Variants in FAM228B observed in about 807,000 individuals in gnomAD.
FAM228B encodes the protein protein FAM228B.
In FAM228B, 38 loss-of-function variants were observed where a neutral mutation model predicts 42.6. The observed-to-expected ratio is 0.89, with a 90% CI of 0.69 to 1.17. The LOEUF is 1.17. Ranked by LOEUF, FAM228B falls within the 50% of genes most tolerant of loss-of-function variation. FAM228B has a pLI of 0.00. For synonymous variants in FAM228B, 109 were observed against 122.3 expected (o/e 0.89, Z 0.72); for missense variants, 344 against 367.3 (o/e 0.94, Z 0.52).
At chr2:24,114,896 G>A (rs1165562539) in intron 3 of FAM228B, among the ~76,000 whole-genome samples, 1 of 152,180 alleles carries the variant, frequency 6.6e-6, no homozygotes, top group Non-Finnish European at 1.5e-5. Flanking sequence ...GAGAGTTAGG[G>A]TTAGAGTCAG....
At chr2:24,157,244 T>G (rs201447612) in intron 7 of FAM228B, among the ~76,000 whole-genome samples, 1 of 152,192 alleles carries the variant, frequency 6.6e-6, no homozygotes, top group Non-Finnish European at 1.5e-5. Context: ...TGTGGCCTAT[T>G]ATATGGTCTA....
chr2:24,108,926 A>G (rs1665744127), intron 3 of FAM228B, among the ~76,000 whole-genome samples: 1 of 151,620 alleles, frequency 6.6e-6, no homozygotes, highest in Non-Finnish European at 1.5e-5. Flanking sequence ...AGAAAAAGCT[A>G]TTTTGAAATT....
intron 7 of FAM228B, among the ~76,000 whole-genome samples, chr2:24,149,884 G>A (rs553050468): frequency 3.3e-5 from 5 of 151,926 alleles, no homozygotes; most frequent in South Asian, 4.2e-4. Context: ...TTTGATTTGC[G>A]GTTACCATGA....
chr2:24,099,069 A>G (rs1336584427), intron 3 of FAM228B, among the ~76,000 whole-genome samples: 1 of 152,256 alleles, frequency 6.6e-6, no homozygotes, highest in Non-Finnish European at 1.5e-5. Flanking sequence ...AAGGCCTTCA[A>G]CAAAATTCAA....
intron 3 of FAM228B, among the ~76,000 whole-genome samples, chr2:24,101,424 TG>T (rs1481361618): frequency 2.6e-5 from 4 of 152,230 alleles, no homozygotes; most frequent in Non-Finnish European, 5.9e-5. Context: ...AATTATTTTC[TG>T]TGACCACAGG....
chr2:24,130,080 T>G (rs1666419915), intron 2 of FAM228B, among the ~76,000 whole-genome samples: 1 of 152,236 alleles, frequency 6.6e-6, no homozygotes, highest in African/African-American at 2.4e-5. Context: ...TTCTGGTTCC[T>G]GTGTTAGTTT....
chr2:24,129,197 C>T (rs191368429), intron 2 of FAM228B, among the ~76,000 whole-genome samples: 121 of 152,272 alleles, frequency 7.9e-4, no homozygotes, highest in African/African-American at 2.8e-3. Context: ...CATCCCCACT[C>T]CTCAATTCAG....
chr2:24,120,283 C>CAACAACAAAACAA (rs1558378508), upstream of FAM228B, among the ~76,000 whole-genome samples: 1 of 150,848 alleles, frequency 6.6e-6, no homozygotes, highest in Non-Finnish European at 1.5e-5. Context: ...AAAAAAACAA[C>CAACAACAAAACAA]AACAAAACAA....
intron 3 of FAM228B, among the ~76,000 whole-genome samples, chr2:24,106,755 C>A (rs1165164562): frequency 2.0e-5 from 3 of 151,784 alleles, no homozygotes; most frequent in African/African-American, 7.3e-5. Flanking sequence ...TCCACCAGAT[C>A]TGCCTTATGA....
chr2:24,148,725 A>T (rs1053652444), intron 7 of FAM228B, among the ~76,000 whole-genome samples: 2 of 152,192 alleles, frequency 1.3e-5, no homozygotes, highest in Non-Finnish European at 2.9e-5. Context: ...TGTTACAAAG[A>T]ATCTAATTAT....
intron 2 of FAM228B, chr2:24,082,795 A>C: frequency 4.1e-6 from 6 of 1,459,256 alleles, no homozygotes; most frequent in Non-Finnish European, 5.4e-6. Context: ...AAGGCCTGGG[A>C]GTGCCCTGGG....
intron 1 of FAM228B, among the ~76,000 whole-genome samples, chr2:24,079,925 AC>A (rs968433862): frequency 3.3e-5 from 5 of 152,348 alleles, no homozygotes; most frequent in African/African-American, 1.2e-4. Context: ...TCCCACTGAC[AC>A]CCAGGCACGA....
At chr2:24,139,075 T>A (rs376712147) in intron 4 of FAM228B, among the ~76,000 whole-genome samples, 6 of 152,252 alleles carry the variant, frequency 3.9e-5, no homozygotes, top group South Asian at 4.1e-4. Flanking sequence ...AGCATTTTTT[T>A]AAAATCTGAG....
upstream of FAM228B, chr2:24,122,727 G>T: frequency 2.1e-6 from 1 of 478,588 alleles, no homozygotes; most frequent in Admixed American, 3.7e-5. Flanking sequence ...GAGGAAAACA[G>T]AATCATAGAA....
chr2:24,150,235 C>A (rs758859893), intron 7 of FAM228B, among the ~76,000 whole-genome samples: 3 of 152,120 alleles, frequency 2.0e-5, no homozygotes, highest in Non-Finnish European at 4.4e-5. Context: ...ATTAACATCC[C>A]TTTCTTTCAG....
At chr2:24,162,673 A>C (rs1667311952) in intron 8 of FAM228B, among the ~76,000 whole-genome samples, 1 of 152,238 alleles carries the variant, frequency 6.6e-6, no homozygotes, top group African/African-American at 2.4e-5. Context: ...AAACAACCCA[A>C]ATGTCTATCA....
intron 7 of FAM228B, among the ~76,000 whole-genome samples, chr2:24,157,773 T>C (rs1033904866): frequency 6.6e-6 from 1 of 151,816 alleles, no homozygotes; most frequent in African/African-American, 2.4e-5. Context: ...AGCCATACCC[T>C]AGACAAATGA....
At chr2:24,120,969 C>A (rs2151007899), upstream of FAM228B, among the ~76,000 whole-genome samples, 1 of 150,660 alleles carries the variant, frequency 6.6e-6, no homozygotes, top group Non-Finnish European at 1.5e-5. Flanking sequence ...CTGGAATGAA[C>A]ATTTCTCAAA....
At position 24,124,388 on chromosome 2, in the gene FAM228B, G is replaced by A; in HGVS notation, c.27G>A (p.Leu9=). 1 of 1,551,144 alleles carries A rather than the reference G, an allele frequency of 6.4e-7. No individual in the cohort carries two copies. Among genetic ancestry groups the A allele is most frequent in the South Asian group, 1.2e-5 (1 of 83,762 alleles). The part of the protein sequence containing the change: MKNVDSDD[L]VTGTLPKLKS... ...TGAAAAATGTAGACAGTGATGATCT[G>A]GTAACTGGCACACTTCCCAAGCTCA... Residue 9 remains leucine (L), a synonymous_variant, in exon 2 of 11, where the codon CTG becomes CTA. Transcript: ENST00000615575.
Sources: allele counts gnomAD v4.1 joint callset (sites outside exome capture counted in the v4.1 genomes callset), GRCh38; gene constraint gnomAD v4.1.1; transcripts MANE v1.5; gene names NCBI Gene and HGNC (gene_info 2026-07-23, HGNC 2026-07-21).